Variants in GALNT2 observed in about 807,000 individuals in gnomAD.
The protein encoded by GALNT2 is polypeptide N-acetylgalactosaminyltransferase 2.
In GALNT2, 31 loss-of-function variants were observed where a neutral mutation model predicts 81.4. That is an observed-to-expected ratio of 0.38 (90% confidence interval 0.29 to 0.51). The LOEUF (loss-of-function observed/expected upper bound fraction) is 0.51. Ranked by LOEUF, GALNT2 falls within the 20% of genes least tolerant of loss-of-function variation. The pLI is 0.87. For missense variants in GALNT2, 629 were observed against 765.7 expected, an observed-to-expected ratio of 0.82 and a Z score of 2.11; for synonymous variants, 303 against 287.4, an observed-to-expected ratio of 1.05 and a Z score of -0.55.
chr1:230,061,826 C>T (rs1659056197), intron 1 of GALNT2, among the ~76,000 whole-genome samples: 1 of 152,090 alleles, frequency 6.6e-6, no homozygotes. Context: ...TGTGTCTTTT[C>T]TTTTCTGCAT....
At chr1:230,268,134 G>A (rs1380716475) in intron 14 of GALNT2, among the ~76,000 whole-genome samples, 1 of 152,214 alleles carries the variant, frequency 6.6e-6, no homozygotes, top group Admixed American at 6.5e-5. Flanking sequence ...CCTCAGAAAA[G>A]TGGAGCTCTG....
At chr1:230,101,662 T>C (rs1233609160) in intron 1 of GALNT2, among the ~76,000 whole-genome samples, 3 of 152,234 alleles carry the variant, frequency 2.0e-5, no homozygotes, top group Admixed American at 1.3e-4. Context: ...ATAAACAACA[T>C]AAGAGTGATG....
At chr1:230,274,611 G>A (rs775793155) in intron 15 of GALNT2, 47 bp downstream of exon 15, 1 of 1,609,532 alleles carries the variant, frequency 6.2e-7, no homozygotes, top group Non-Finnish European at 8.5e-7. Flanking sequence ...ACCCAGACCA[G>A]GGTAGCCACG....
intron 1 of GALNT2, among the ~76,000 whole-genome samples, chr1:230,103,533 G>A (rs1248014790): frequency 6.6e-6 from 1 of 151,966 alleles, no homozygotes; most frequent in Non-Finnish European, 1.5e-5. Context: ...TTTTTTTCTG[G>A]TTGGTTCTGG....
intron 1 of GALNT2, among the ~76,000 whole-genome samples, chr1:230,156,611 A>G (rs1662265518): frequency 6.6e-6 from 1 of 152,162 alleles, no homozygotes. Flanking sequence ...TGGCCCTTAA[A>G]CTATCACATT....
At position 230,262,674 on chromosome 1, in the gene GALNT2, C is replaced by A; in HGVS notation, c.1229+9C>A. The A allele has an allele frequency of 6.3e-7, 1 of 1,582,832 alleles. No homozygotes were observed. Among genetic ancestry groups the A allele is most frequent in the East Asian group, 2.2e-5 (1 of 44,688 alleles). On this transcript the variant is annotated intron_variant, in intron 12 of 15. Transcript: ENST00000366672. ...AACGTTCCTTATGGAAAGTAAGTGG[C>A]AGTTCTGCCTTCTCACAATTACTGG...
intron 1 of GALNT2, among the ~76,000 whole-genome samples, chr1:230,075,800 G>C (rs1659533520): frequency 6.6e-6 from 1 of 152,150 alleles, no homozygotes; most frequent in Admixed American, 6.5e-5. Context: ...GAGGGCGGAA[G>C]GATAGTTGCA....
chr1:230,230,390 C>T (rs933176653), intron 3 of GALNT2, among the ~76,000 whole-genome samples: 2 of 152,218 alleles, frequency 1.3e-5, no homozygotes, highest in Non-Finnish European at 1.5e-5. Context: ...GCATGATCCT[C>T]GTGTTGTTTG....
At chr1:230,240,506 C>G (rs748262495) in intron 6 of GALNT2, among the ~76,000 whole-genome samples, 3 of 152,174 alleles carry the variant, frequency 2.0e-5, no homozygotes, top group African/African-American at 7.2e-5. Flanking sequence ...GCAGAAGACT[C>G]GCTTGAACAT....
intron 1 of GALNT2, among the ~76,000 whole-genome samples, chr1:230,177,811 C>T (rs1052980075): frequency 2.0e-5 from 3 of 152,148 alleles, no homozygotes; most frequent in African/African-American, 7.2e-5. Context: ...CCATAAACCA[C>T]CTAAGATGTC....
chr1:230,129,490 T>G (rs1558098236), intron 1 of GALNT2, among the ~76,000 whole-genome samples: 1 of 152,088 alleles, frequency 6.6e-6, no homozygotes, highest in Non-Finnish European at 1.5e-5. Flanking sequence ...GCTAACTTTT[T>G]AATTTTTTTT....
intron 2 of GALNT2, among the ~76,000 whole-genome samples, chr1:230,195,071 C>CT (rs1663646755): frequency 6.6e-6 from 1 of 152,236 alleles, no homozygotes; most frequent in Admixed American, 6.5e-5. Flanking sequence ...GTATTGAAGT[C>CT]TGAGTCAGGT....
intron 1 of GALNT2, among the ~76,000 whole-genome samples, chr1:230,108,897 T>G (rs1050007790): frequency 3.3e-5 from 5 of 152,140 alleles, no homozygotes; most frequent in Middle Eastern, 3.4e-3. Flanking sequence ...TGAAGTACAG[T>G]TTCTACTGAA....
intron 1 of GALNT2, among the ~76,000 whole-genome samples, chr1:230,061,902 A>G (rs920257385): frequency 2.0e-5 from 3 of 152,254 alleles, no homozygotes; most frequent in African/African-American, 7.2e-5. Context: ...TAACACTTAC[A>G]TGTATGTTTT....
rs544231560 is a variant in GALNT2, at chr1:230,158,780, C to T, written c.127-19438C>T. On this transcript the variant is annotated intron_variant, in intron 1 of 15. Coordinates refer to ENST00000366672, the MANE Select transcript of GALNT2 (RefSeq NM_004481.5). ...TTGCAACCCCCTACCCACCCCGCCA[C>T]CTCCCATCACAGATAAAGATTTTGT... Among the ~76,000 whole-genome samples the T allele has an allele frequency of 2.6e-5, 4 of 152,322 alleles. No homozygotes were observed. The South Asian group carries it at 6.2e-4, about 24-fold the overall frequency.
chr1:230,274,458 C>T lies in GALNT2; in HGVS notation c.1454C>T (p.Thr485Met), dbSNP rs746599730. ...TTTGTGTTCCAGGAATGGGCCTTGA[C>T]GAAGGAGAAGTCGGTGAAGCACATG... The part of the protein sequence containing the change: ...NAGGNQEWAL[T>M]KEKSVKHMDL... The change falls in exon 15 of 16, where the codon ACG becomes ATG. Residue 485 changes from threonine to methionine, a missense_variant. Coordinates refer to ENST00000366672, the MANE Select transcript of GALNT2 (RefSeq NM_004481.5). 9.3e-6 allele frequency: 15 copies of T among 1,613,328 alleles called. No individual in the cohort carries two copies. The highest frequency in any genetic ancestry group is 2.2e-5 in the East Asian group (1 of 44,886).
chr1:230,134,321 G>A lies in GALNT2; in HGVS notation c.127-43897G>A, dbSNP rs181832666. On this transcript the variant is annotated intron_variant, in intron 1 of 15. Coordinates refer to ENST00000366672, the MANE Select transcript of GALNT2 (RefSeq NM_004481.5). ...ACGGGGTTTCACCACGTTAGCCAGG[G>A]TGGTCTCAATCTCCTGACCTCATGA... is the stretch of plus-strand genomic sequence containing the variant. Among the ~76,000 whole-genome samples the A allele has an allele frequency of 4.3e-4, 66 of 152,020 alleles. No individual in the cohort carries two copies. The East Asian group carries it at 9.5e-3, about 22-fold the overall frequency.
At position 230,099,873 on chromosome 1, in the gene GALNT2, T is replaced by G. The variant is rs6688642; in HGVS notation, c.126+32467T>G. On this transcript the variant is annotated intron_variant, in intron 1 of 15. Transcript: ENST00000366672. ...CAGTGTGCCACAGCCTCCTTTCCAA[T>G]TTGTTTCCATTATAGGATTATGAGA... 4.6e-3 allele frequency among the ~76,000 whole-genome samples: 704 copies of G among 152,332 alleles called. 9 individuals are homozygous for G. Among genetic ancestry groups the G allele is most frequent in the African/African-American group, 0.016 (663 of 41,564 alleles).
intron 3 of GALNT2, among the ~76,000 whole-genome samples, chr1:230,205,861 A>G (rs1664043674): frequency 6.6e-6 from 1 of 152,170 alleles, no homozygotes; most frequent in South Asian, 2.1e-4. Flanking sequence ...CCTTTAAGAT[A>G]GGCTTGAAGC....
Sources: allele counts gnomAD v4.1 joint callset (sites outside exome capture counted in the v4.1 genomes callset), GRCh38; gene constraint gnomAD v4.1.1; transcripts MANE v1.5; gene names NCBI Gene and HGNC (gene_info 2026-07-23, HGNC 2026-07-21).